Variants in SLC9A2 observed in about 807,000 individuals in gnomAD.
SLC9A2 encodes the protein sodium/hydrogen exchanger 2.
In SLC9A2, 42 loss-of-function variants were observed where a neutral mutation model predicts 71.7. That is an observed-to-expected ratio of 0.59 (90% CI 0.46 to 0.76). SLC9A2 has a LOEUF of 0.76. Among genes scored for constraint, SLC9A2 ranks in the 30% least tolerant of loss-of-function variants. SLC9A2 has a pLI of 0.00. For synonymous variants in SLC9A2, 396 were observed against 392.5 expected (o/e 1.01, Z -0.10); for missense variants, 829 against 1,017.4 (o/e 0.81, Z 2.52).
At chr2:102,661,387 CT>C in intron 2 of SLC9A2, among the ~76,000 whole-genome samples, 1 of 152,284 alleles carries the variant, frequency 6.6e-6, no homozygotes, top group South Asian at 2.1e-4. Context: ...TGGAAAGTAA[CT>C]TTAGGAAGAT....
chr2:102,632,158 A>ATG (rs1676385538), intron 1 of SLC9A2, among the ~76,000 whole-genome samples: 1 of 138,758 alleles, frequency 7.2e-6, no homozygotes, highest in Non-Finnish European at 1.5e-5. Flanking sequence ...ATATATACAC[A>ATG]TATATACACA....
At chr2:102,647,862 CA>C (rs34176139) in intron 1 of SLC9A2, among the ~76,000 whole-genome samples, 68,624 of 151,722 alleles carry the variant, frequency 0.45, 15,839 homozygotes, top group East Asian at 0.76. Flanking sequence ...AGCCTACCAA[CA>C]AAAAAAAGCC....
intron 1 of SLC9A2, among the ~76,000 whole-genome samples, chr2:102,632,702 G>A (rs1676399807): frequency 6.6e-6 from 1 of 152,108 alleles, no homozygotes; most frequent in Non-Finnish European, 1.5e-5. Context: ...TGAGTTTCAT[G>A]TTATGGTTTG....
intron 1 of SLC9A2, among the ~76,000 whole-genome samples, chr2:102,639,858 C>G (rs1214839074): frequency 6.6e-6 from 1 of 151,282 alleles, no homozygotes; most frequent in Non-Finnish European, 1.5e-5. Context: ...CAATATAGCT[C>G]TTACAACTTT....
chr2:102,646,528 A>C (rs1308400780), intron 1 of SLC9A2, among the ~76,000 whole-genome samples: 1 of 152,114 alleles, frequency 6.6e-6, no homozygotes, highest in African/African-American at 2.4e-5. Flanking sequence ...AAGAGCCAAG[A>C]CCCATCAGTG....
chr2:102,621,700 C>T (rs747433290), intron 1 of SLC9A2, among the ~76,000 whole-genome samples: 1 of 152,148 alleles, frequency 6.6e-6, no homozygotes, highest in Non-Finnish European at 1.5e-5. Flanking sequence ...AGTGGAGAGA[C>T]GTGTACACGC....
intron 1 of SLC9A2, among the ~76,000 whole-genome samples, chr2:102,622,246 C>G (rs1046788516): frequency 1.3e-5 from 2 of 152,156 alleles, no homozygotes; most frequent in African/African-American, 2.4e-5. Flanking sequence ...AATACTCCCA[C>G]TAGTTGAGGT....
At chr2:102,636,421 A>G (rs1676469909) in intron 1 of SLC9A2, among the ~76,000 whole-genome samples, 2 of 152,214 alleles carry the variant, frequency 1.3e-5, no homozygotes, top group Admixed American at 1.3e-4. Flanking sequence ...TCAGGTAGCA[A>G]TTACTGGCAA....
intron 5 of SLC9A2, among the ~76,000 whole-genome samples, chr2:102,692,647 T>C (rs1045106017): frequency 4.6e-5 from 7 of 152,214 alleles, no homozygotes; most frequent in Non-Finnish European, 1.0e-4. Flanking sequence ...TTCATGTCTG[T>C]AAGTTCCCTT....
At chr2:102,659,048 G>A (rs190395709) in intron 2 of SLC9A2, among the ~76,000 whole-genome samples, 137 of 152,254 alleles carry the variant, frequency 9.0e-4, no homozygotes, top group African/African-American at 3.2e-3. Context: ...GAAAAAGACT[G>A]TGTTTAAAGG....
chr2:102,695,800 T>TTATATATATAA (rs1677752333), intron 7 of SLC9A2, among the ~76,000 whole-genome samples: 2 of 92,998 alleles, frequency 2.2e-5, no homozygotes, highest in African/African-American at 7.8e-5. Context: ...TATATATATA[T>TTATATATATAA]TATATATATA....
rs1340174284 is a variant in SLC9A2, at chr2:102,632,019, T to G, written c.289+11882T>G. Among the ~76,000 whole-genome samples, 41 of 126,378 alleles carry G rather than the reference T, an allele frequency of 3.2e-4. 1 individual carries two copies. The highest frequency in any genetic ancestry group is 3.6e-4 in the Non-Finnish European group (22 of 61,664). The allele number at this position is 126,378 out of a possible 152,430, so 82.9% of individuals were successfully genotyped here. On this transcript the variant is annotated intron_variant, in intron 1 of 11. Transcript: ENST00000233969. ...GGATATATATATATATATATATATA[T>G]ATATATATATATATATATACATACA...
intron 3 of SLC9A2, among the ~76,000 whole-genome samples, chr2:102,682,235 A>C (rs1677467111): frequency 6.6e-6 from 1 of 152,190 alleles, no homozygotes; most frequent in Admixed American, 6.5e-5. Context: ...GACCGGACCT[A>C]CCATGAGCTG....
At chr2:102,639,027 T>C (rs796411137) in intron 1 of SLC9A2, among the ~76,000 whole-genome samples, 1 of 152,152 alleles carries the variant, frequency 6.6e-6, no homozygotes, top group Non-Finnish European at 1.5e-5. Context: ...ATACAAAAAA[T>C]TTAAAAATCA....
At chr2:102,673,610 T>C (rs1242434106) in intron 3 of SLC9A2, among the ~76,000 whole-genome samples, 3 of 152,136 alleles carry the variant, frequency 2.0e-5, no homozygotes, top group Non-Finnish European at 1.5e-5. Flanking sequence ...TGCCATCACT[T>C]TGCTTTTTGG....
rs1490569758 is a variant in SLC9A2, at chr2:102,709,456, GTGT to G, written c.*972_*974del. 1 of 152,440 alleles carries G rather than the reference GTGT, an allele frequency of 6.6e-6. No individual in the cohort carries two copies. The highest frequency in any genetic ancestry group is 2.4e-5 in the African/African-American group (1 of 41,146). 9.4% of individuals were successfully genotyped at this position (152,440 alleles called of 1,614,324 possible). ...TGCTTCAGTAGAATTTTTCTGTAGAGTGTTGTTTGAATTTTGAGCCTCCAGGTT... is the reference window on the plus strand; with the variant it reads ...TGCTTCAGTAGAATTTTTCTGTAGAGTGTTTGAATTTTGAGCCTCCAGGTT... On this transcript the variant is annotated 3_prime_UTR_variant, in exon 12 of 12. Transcript: ENST00000233969.
intron 6 of SLC9A2, 38 bp from the exon 7 acceptor site, chr2:102,695,005 G>A (rs1319387620): frequency 1.3e-6 from 2 of 1,547,142 alleles, no homozygotes; most frequent in East Asian, 2.2e-5. Flanking sequence ...TTGATTTCAG[G>A]TAAAGACTAA....
chr2:102,625,354 G>A (rs1195127836), intron 1 of SLC9A2, among the ~76,000 whole-genome samples: 1 of 151,982 alleles, frequency 6.6e-6, no homozygotes, highest in African/African-American at 2.4e-5. Context: ...AAGTTCTAGG[G>A]TACATGTGCA....
intron 2 of SLC9A2, among the ~76,000 whole-genome samples, chr2:102,663,076 C>T (rs1677076506): frequency 1.3e-5 from 2 of 152,176 alleles, no homozygotes; most frequent in African/African-American, 4.8e-5. Flanking sequence ...GTGATCCTGT[C>T]TCAGGAAGTA....
Sources: allele counts gnomAD v4.1 joint callset (sites outside exome capture counted in the v4.1 genomes callset), GRCh38; gene constraint gnomAD v4.1.1; transcripts MANE v1.5; gene names NCBI Gene and HGNC (gene_info 2026-07-23, HGNC 2026-07-21).